The following GRAMD2B variants were observed in gnomAD, a reference collection of about 807,000 sequenced individuals.
GRAMD2B encodes GRAM domain containing 2B.
GRAMD2B carries 41 observed loss-of-function variants against 59.2 expected under a neutral mutation model. The ratio of observed to expected loss-of-function variants is 0.69; its 90% CI spans 0.54 to 0.90. The LOEUF is 0.90. GRAMD2B is among the 40% of genes least tolerant of loss of function. GRAMD2B has a pLI of 0.00. For missense variants in GRAMD2B, 424 were observed against 500.5 expected (o/e 0.85, Z 1.46); for synonymous variants, 161 against 182.7 (o/e 0.88, Z 0.96).
At chr5:126,377,435 G>T (rs1260836741) in intron 1 of GRAMD2B, among the ~76,000 whole-genome samples, 2 of 152,078 alleles carry the variant, frequency 1.3e-5, no homozygotes, top group Non-Finnish European at 2.9e-5. Context: ...CACTGGTAAG[G>T]TGCGCAGATA....
chr5:126,409,518 A>T (rs1262898331), intron 1 of GRAMD2B, among the ~76,000 whole-genome samples: 3 of 152,056 alleles, frequency 2.0e-5, no homozygotes, highest in Admixed American at 2.0e-4. Context: ...GTCCTTCGCC[A>T]ACTTTTTGAT....
intron 1 of GRAMD2B, among the ~76,000 whole-genome samples, chr5:126,380,495 T>C (rs1342974921): frequency 1.3e-5 from 2 of 152,220 alleles, no homozygotes; most frequent in East Asian, 3.8e-4. Flanking sequence ...TTTGGCATTA[T>C]GGTCATTTTC....
chr5:126,481,705 C>T (rs567730339), intron 8 of GRAMD2B, among the ~76,000 whole-genome samples: 11 of 152,104 alleles, frequency 7.2e-5, no homozygotes, highest in Non-Finnish European at 1.5e-4. Flanking sequence ...CAGTGGCTCA[C>T]GCCTGTAATC....
Position 126,465,624 on chromosome 5 carries a change from T to A in GRAMD2B, c.203+79T>A, listed in dbSNP as rs1768192205. On this transcript the variant is annotated intron_variant, in intron 2 of 13. Coordinates refer to ENST00000285689, the MANE Select transcript of GRAMD2B (RefSeq NM_023927.4). ...TTACAGGAGGAGCAGGGGTTTTTTG[T>A]TAAGAGTGAGGATGTATTAATACTA... 9.1e-6 allele frequency: 12 copies of A among 1,319,102 alleles called. No individual in the cohort carries two copies. In the South Asian group the frequency reaches 1.4e-4, roughly 16 times the overall value. 81.7% of individuals were successfully genotyped at this position (1,319,102 alleles called of 1,614,324 possible).
At chr5:126,480,183 G>T in intron 6 of GRAMD2B, 1 of 339,794 alleles carries the variant, frequency 2.9e-6, no homozygotes. Context: ...AGGCACCAGT[G>T]ACAGGCTTTT....
chr5:126,419,644 T>A (rs1759552396), upstream of GRAMD2B, among the ~76,000 whole-genome samples: 1 of 152,134 alleles, frequency 6.6e-6, no homozygotes, highest in Non-Finnish European at 1.5e-5. Flanking sequence ...AAGGCCAATA[T>A]CTGACCAATA....
chr5:126,442,497 G>A (rs991900721), intron 1 of GRAMD2B, among the ~76,000 whole-genome samples: 1 of 151,932 alleles, frequency 6.6e-6, no homozygotes, highest in Admixed American at 6.6e-5. Context: ...TCACCATGTT[G>A]GCCAGGCTAG....
intron 1 of GRAMD2B, among the ~76,000 whole-genome samples, chr5:126,429,669 G>T (rs1561509648): frequency 1.3e-5 from 2 of 152,160 alleles, no homozygotes; most frequent in African/African-American, 4.8e-5. Flanking sequence ...GAGGTGGGAG[G>T]ATGACATGAA....
At chr5:126,421,216 A>G (rs552918991), upstream of GRAMD2B, among the ~76,000 whole-genome samples, 5 of 152,250 alleles carry the variant, frequency 3.3e-5, no homozygotes, top group Non-Finnish European at 7.3e-5. Flanking sequence ...CCACTGAATT[A>G]TACACTTATT....
intron 11 of GRAMD2B, 96 bp downstream of exon 11, chr5:126,485,869 A>G (rs867414205): frequency 5.6e-6 from 4 of 708,106 alleles, no homozygotes; most frequent in African/African-American, 5.5e-5. Flanking sequence ...GTAAATCTCA[A>G]TTGTCTGAAA....
Position 126,375,243 on chromosome 5 carries a change from T to C in GRAMD2B, c.125+3676T>C, listed in dbSNP as rs541391386. 4.6e-5 allele frequency among the ~76,000 whole-genome samples: 7 copies of C among 152,346 alleles called. No homozygotes were observed. In the South Asian group the frequency reaches 1.0e-3, roughly 23 times the overall value. ...TAATTAGATTTCTAAATTGATCTTA[T>C]GTTCAACATCCTTGCTAAACTTTTA... On this transcript the variant is annotated intron_variant, in intron 1 of 8. Transcript: ENST00000506445.
At chr5:126,406,520 C>G (rs925542917) in intron 1 of GRAMD2B, among the ~76,000 whole-genome samples, 1 of 151,826 alleles carries the variant, frequency 6.6e-6, no homozygotes, top group Admixed American at 6.6e-5. Flanking sequence ...TCCTCTACCC[C>G]CTTCTCAGTC....
intron 1 of GRAMD2B, among the ~76,000 whole-genome samples, chr5:126,386,822 G>T (rs2149711833): frequency 6.6e-6 from 1 of 152,246 alleles, no homozygotes; most frequent in Non-Finnish European, 1.5e-5. Flanking sequence ...AATTTTGGAG[G>T]CTGGCAAGTT....
intron 1 of GRAMD2B, among the ~76,000 whole-genome samples, chr5:126,373,697 G>A (rs1754948960): frequency 1.3e-5 from 2 of 152,198 alleles, no homozygotes; most frequent in African/African-American, 4.8e-5. Context: ...AAACAAAGCT[G>A]AGGCAGACAG....
intron 1 of GRAMD2B, among the ~76,000 whole-genome samples, chr5:126,460,928 G>T (rs1440223708): frequency 6.6e-6 from 1 of 152,192 alleles, no homozygotes; most frequent in East Asian, 1.9e-4. Context: ...GCTTTAAAAT[G>T]ATCAGAGACT....
At chr5:126,442,535 A>T (rs1349376110) in intron 1 of GRAMD2B, among the ~76,000 whole-genome samples, 1 of 151,516 alleles carries the variant, frequency 6.6e-6, no homozygotes, top group Non-Finnish European at 1.5e-5. Flanking sequence ...CAAATGATCC[A>T]CCCGCCTTGG....
At chr5:126,388,053 C>G (rs954984674) in intron 1 of GRAMD2B, among the ~76,000 whole-genome samples, 1 of 152,120 alleles carries the variant, frequency 6.6e-6, no homozygotes, top group Non-Finnish European at 1.5e-5. Flanking sequence ...GAATCTGTCC[C>G]AGTTGCTACT....
chr5:126,363,848 T>C (rs553358143), intron 1 of GRAMD2B, among the ~76,000 whole-genome samples: 1 of 152,312 alleles, frequency 6.6e-6, no homozygotes, highest in East Asian at 1.9e-4. Flanking sequence ...CAGGGACTGC[T>C]CTTGGGTACA....
chr5:126,436,410 A>T (rs1051867488), intron 1 of GRAMD2B, among the ~76,000 whole-genome samples: 8 of 152,138 alleles, frequency 5.3e-5, no homozygotes, highest in African/African-American at 1.9e-4. Flanking sequence ...GCACTTTGGG[A>T]GGCCGAGATG....
Sources: gnomAD v4.1 joint callset for allele counts (sites outside exome capture counted in the v4.1 genomes callset) on GRCh38, gnomAD v4.1.1 for gene constraint, MANE v1.5 for transcripts, NCBI Gene and HGNC (gene_info 2026-07-23, HGNC 2026-07-21) for gene names.